GOLGA4: variants seen among roughly 807,000 people sequenced by gnomAD.
GOLGA4 encodes golgin subfamily A member 4.
In GOLGA4, 169 loss-of-function variants were observed where a neutral mutation model predicts 265.9. That is an observed-to-expected ratio of 0.64 (90% CI 0.56 to 0.72). The LOEUF (loss-of-function observed/expected upper bound fraction) is 0.72, where lower values mean the gene tolerates loss of function less well. Ranked by LOEUF, GOLGA4 falls within the 30% of genes least tolerant of loss-of-function variation. The probability of loss-of-function intolerance (pLI) is 0.00; values close to 1 mark genes in which losing one functional copy is unlikely to be tolerated. For synonymous variants in GOLGA4, 923 were observed against 855.8 expected (o/e 1.08, Z -1.37); for missense variants, 2,482 against 2,483.4 (o/e 1.00, Z 0.01).
chr3:37,323,569 A>G lies in GOLGA4; in HGVS notation c.1702-19A>G. 1 of 1,466,050 alleles carries G rather than the reference A, an allele frequency of 6.8e-7. No homozygotes were observed. Among genetic ancestry groups the G allele is most frequent in the Non-Finnish European group, 9.2e-7 (1 of 1,084,564 alleles). 90.8% of individuals were successfully genotyped at this position (1,466,050 alleles called of 1,614,324 possible). ...CAAGTACGTACTTTAATAAAAATGCATCTGTTTTTAATTAACAGAGAATTC... is the reference window on the plus strand; with the variant it reads ...CAAGTACGTACTTTAATAAAAATGCGTCTGTTTTTAATTAACAGAGAATTC... On this transcript the variant is annotated intron_variant, in intron 13 of 23. Coordinates refer to ENST00000361924, the MANE Select transcript of GOLGA4 (RefSeq NM_002078.5).
At chr3:37,323,510 G>GTAGACA in intron 13 of GOLGA4, 78 bp from the exon 14 acceptor site, 1 of 789,288 alleles carries the variant, frequency 1.3e-6, no homozygotes, top group Non-Finnish European at 2.1e-6. Context: ...CAGGTAGGTG[G>GTAGACA]TAGACATCAT....
At chr3:37,302,361 G>A (rs1249391245) in intron 10 of GOLGA4, 29 bp downstream of exon 10, 23 of 1,587,052 alleles carry the variant, frequency 1.4e-5, no homozygotes, top group South Asian at 3.4e-5. Context: ...CTTGTTTTAT[G>A]TTGGAACTCA....
intron 2 of GOLGA4, chr3:37,275,998 G>A (rs1300757620): frequency 6.2e-7 from 1 of 1,613,212 alleles, no homozygotes; most frequent in African/African-American, 1.3e-5. Flanking sequence ...ACAGCCCTGA[G>A]GCAAGAGAAG....
chr3:37,314,613 C>T (rs574904850), intron 10 of GOLGA4, among the ~76,000 whole-genome samples: 384 of 148,674 alleles, frequency 2.6e-3, no homozygotes, highest in Non-Finnish European at 3.8e-3. Flanking sequence ...TGCACTCCAT[C>T]CTGGGTGACG....
At chr3:37,299,438 T>C (rs2150859543) in intron 9 of GOLGA4, 67 bp downstream of exon 9, 2 of 888,988 alleles carry the variant, frequency 2.2e-6, no homozygotes, top group East Asian at 4.9e-5. Flanking sequence ...TTGGAAACAG[T>C]TGGAAACATT....
chr3:37,297,960 T>G (rs1578566085), intron 7 of GOLGA4, among the ~76,000 whole-genome samples: 1 of 150,394 alleles, frequency 6.6e-6, no homozygotes, highest in Admixed American at 6.7e-5. Context: ...ACCAGGGAGG[T>G]GGAGGTTGCA....
At chr3:37,244,014 C>T (rs1464385072) in intron 1 of GOLGA4, 17 of 201,136 alleles carry the variant, frequency 8.5e-5, no homozygotes, top group Non-Finnish European at 4.0e-5. Context: ...CTTGTGATAT[C>T]TGACCTCTGC....
chr3:37,307,817 G>A (rs1304810213), intron 10 of GOLGA4, among the ~76,000 whole-genome samples: 2 of 152,082 alleles, frequency 1.3e-5, no homozygotes, highest in Non-Finnish European at 2.9e-5. Context: ...TTAAAAACAC[G>A]TTTCTTTGGT....
At chr3:37,296,629 A>G (rs1354289777) in intron 7 of GOLGA4, among the ~76,000 whole-genome samples, 1 of 152,106 alleles carries the variant, frequency 6.6e-6, no homozygotes, top group African/African-American at 2.4e-5. Context: ...GGAGTGCAGT[A>G]GCATGATCTC....
chr3:37,248,156 TGTAGA>T (rs1382570422), intron 1 of GOLGA4, among the ~76,000 whole-genome samples: 1 of 152,240 alleles, frequency 6.6e-6, no homozygotes, highest in Non-Finnish European at 1.5e-5. Flanking sequence ...CTTAAGTTTT[TGTAGA>T]GTCAGGGTCT....
At chr3:37,328,797 AT>A (rs2096980726) in intron 15 of GOLGA4, among the ~76,000 whole-genome samples, 165 bp from the exon 16 acceptor site, 1 of 152,180 alleles carries the variant, frequency 6.6e-6, no homozygotes, top group Non-Finnish European at 1.5e-5. Flanking sequence ...GAGAGGATAC[AT>A]TTGATCACTG....
At chr3:37,342,523 T>G (rs1260786934) in intron 20 of GOLGA4, among the ~76,000 whole-genome samples, 1 of 152,238 alleles carries the variant, frequency 6.6e-6, no homozygotes, top group African/African-American at 2.4e-5. Flanking sequence ...CACCTGTATT[T>G]ATATTTTCAA....
rs898520013 is a variant in GOLGA4, at chr3:37,366,294, T to A, written c.*248T>A. On this transcript the variant is annotated 3_prime_UTR_variant, in exon 24 of 24. Transcript: ENST00000361924. ...AATGGTGATAGTTTTTTCTTCAGTT[T>A]TCTCTTGGGAAGAGTTTTATGTTGT... The A allele has an allele frequency of 6.8e-6, 3 of 442,638 alleles. No individual in the cohort carries two copies. Among genetic ancestry groups the A allele is most frequent in the Non-Finnish European group, 1.2e-5 (3 of 252,336 alleles). 27.4% of individuals were successfully genotyped at this position (442,638 alleles called of 1,614,324 possible). A position where few individuals can be genotyped will look rare whatever the true frequency, so the allele number is the denominator to read the frequency against.
chr3:37,262,108 G>GA (rs1432821119), intron 2 of GOLGA4, among the ~76,000 whole-genome samples: 1 of 152,038 alleles, frequency 6.6e-6, no homozygotes, highest in African/African-American at 2.4e-5. Flanking sequence ...TCTTCCATAA[G>GA]AAAAAGGAAG....
intron 10 of GOLGA4, among the ~76,000 whole-genome samples, chr3:37,306,592 CA>C (rs1384630993): frequency 6.7e-6 from 1 of 148,448 alleles, no homozygotes; most frequent in Non-Finnish European, 1.5e-5. Context: ...AGTGTATTAC[CA>C]AAAAATTGGA....
At chr3:37,321,625 C>A in intron 12 of GOLGA4, 106 bp from the exon 13 acceptor site, 1 of 990,298 alleles carries the variant, frequency 1.0e-6, no homozygotes, top group Non-Finnish European at 1.5e-6. Flanking sequence ...ACCTATCCAA[C>A]AGGGCTGGGT....
intron 17 of GOLGA4, among the ~76,000 whole-genome samples, chr3:37,336,596 G>A: frequency 7.1e-6 from 1 of 139,930 alleles, no homozygotes. Flanking sequence ...CCCCATCTCT[G>A]CTAAAAATAC....
chr3:37,286,173 G>C (rs1427173999), intron 4 of GOLGA4, 112 bp downstream of exon 4: 3 of 497,272 alleles, frequency 6.0e-6, no homozygotes, highest in African/African-American at 5.2e-5. Context: ...TTGAGACGGA[G>C]TCTCGCTCTG....
intron 20 of GOLGA4, among the ~76,000 whole-genome samples, chr3:37,344,094 T>A (rs1433023930): frequency 6.6e-6 from 1 of 152,212 alleles, no homozygotes; most frequent in Non-Finnish European, 1.5e-5. Flanking sequence ...ATTCTGTCTG[T>A]TTACCCATTT....
Sources: gnomAD v4.1 joint callset for allele counts (sites outside exome capture counted in the v4.1 genomes callset) on GRCh38, gnomAD v4.1.1 for gene constraint, MANE v1.5 for transcripts, NCBI Gene and HGNC (gene_info 2026-07-23, HGNC 2026-07-21) for gene names.